Variants in MACROD2 observed in about 807,000 individuals in gnomAD.
MACROD2 encodes mono-ADP ribosylhydrolase 2, also known as ADP-ribose glycohydrolase MACROD2.
Under a neutral mutation model 70.4 loss-of-function variants are expected in MACROD2, and 36 were observed. The ratio of observed to expected loss-of-function variants is 0.51; its 90% CI spans 0.39 to 0.68. The LOEUF (loss-of-function observed/expected upper bound fraction) is 0.68, where lower values mean the gene tolerates loss of function less well. MACROD2 is among the 30% of genes least tolerant of loss of function. MACROD2 has a pLI of 0.00. For missense variants in MACROD2, 496 were observed against 538.4 expected, an observed-to-expected ratio of 0.92 and a Z score of 0.78; for synonymous variants, 172 against 178.8, an observed-to-expected ratio of 0.96 and a Z score of 0.30.
chr20:14,496,335 C>T (rs1487606364), intron 4 of MACROD2, among the ~76,000 whole-genome samples: 1 of 152,178 alleles, frequency 6.6e-6, no homozygotes, highest in African/African-American at 2.4e-5. Context: ...TTTAGATCCT[C>T]AGGAGGGCTT....
intron 4 of MACROD2, among the ~76,000 whole-genome samples, chr20:14,555,439 A>G (rs1276425074): frequency 6.6e-6 from 1 of 151,982 alleles, no homozygotes; most frequent in Non-Finnish European, 1.5e-5. Context: ...GGAGTCAAAT[A>G]TGTACTTATT....
intron 5 of MACROD2, chr20:14,757,936 C>T: frequency 9.4e-7 from 1 of 1,067,300 alleles, no homozygotes; most frequent in Non-Finnish European, 1.5e-6. Context: ...ACAGAGATAC[C>T]TACAGACGGA....
At chr20:15,924,229 G>A (rs1215508255) in intron 10 of MACROD2, among the ~76,000 whole-genome samples, 2 of 152,162 alleles carry the variant, frequency 1.3e-5, no homozygotes, top group African/African-American at 4.8e-5. Flanking sequence ...ATTGGTTTTT[G>A]CTTCCCATGA....
chr20:15,125,617 C>T (rs965116650), intron 5 of MACROD2, among the ~76,000 whole-genome samples: 1 of 152,030 alleles, frequency 6.6e-6, no homozygotes, highest in Admixed American at 6.6e-5. Flanking sequence ...ATCATTTTTA[C>T]CATACTTTCC....
At chr20:14,202,103 C>G (rs1004090430) in intron 3 of MACROD2, among the ~76,000 whole-genome samples, 9 of 152,036 alleles carry the variant, frequency 5.9e-5, no homozygotes, top group Non-Finnish European at 1.5e-5. Context: ...TTCTTTTCGT[C>G]ATTTTACTAC....
intron 3 of MACROD2, among the ~76,000 whole-genome samples, chr20:14,097,468 G>C (rs2054243644): frequency 6.6e-6 from 1 of 152,180 alleles, no homozygotes; most frequent in African/African-American, 2.4e-5. Context: ...AAAATGGAAA[G>C]TGAAGAAAGT....
At chr20:15,198,775 TC>T (rs2076629099) in intron 5 of MACROD2, among the ~76,000 whole-genome samples, 1 of 152,134 alleles carries the variant, frequency 6.6e-6, no homozygotes, top group South Asian at 2.1e-4. Flanking sequence ...CAAAGTTATT[TC>T]CATAGAAGAG....
chr20:15,549,725 G>A (rs989818508), intron 8 of MACROD2, among the ~76,000 whole-genome samples: 2 of 152,084 alleles, frequency 1.3e-5, no homozygotes, highest in African/African-American at 2.4e-5. Flanking sequence ...TCCTATAATC[G>A]AAGCAGCTTC....
At chr20:15,834,154 C>T (rs1454180282) in intron 8 of MACROD2, among the ~76,000 whole-genome samples, 1 of 152,080 alleles carries the variant, frequency 6.6e-6, no homozygotes, top group East Asian at 1.9e-4. Context: ...ATAAAGCATA[C>T]AGAATTACTC....
chr20:14,746,483 G>C (rs1012789414), intron 5 of MACROD2, among the ~76,000 whole-genome samples: 1 of 152,114 alleles, frequency 6.6e-6, no homozygotes, highest in African/African-American at 2.4e-5. Context: ...TACGTTTTGT[G>C]ATCATGATGT....
At chr20:14,323,834 CT>C (rs1312137042) in intron 3 of MACROD2, 1 of 152,148 alleles carries the variant, frequency 6.6e-6, no homozygotes, top group East Asian at 1.9e-4. Context: ...CAAAGACCAC[CT>C]TAAAAAGTAT....
At chr20:14,701,710 T>A (rs187204119) in intron 5 of MACROD2, among the ~76,000 whole-genome samples, 1 of 152,268 alleles carries the variant, frequency 6.6e-6, no homozygotes, top group African/African-American at 2.4e-5. Flanking sequence ...ATCATATCAG[T>A]GTATTAAAGA....
chr20:14,528,111 CTTT>C (rs5840621), intron 4 of MACROD2, among the ~76,000 whole-genome samples: 1 of 141,642 alleles, frequency 7.1e-6, no homozygotes. Flanking sequence ...ACTGTCTACA[CTTT>C]TTTTTTTTTT....
intron 2 of MACROD2, among the ~76,000 whole-genome samples, chr20:14,083,038 A>T (rs1314900522): frequency 6.6e-6 from 1 of 151,992 alleles, no homozygotes; most frequent in African/African-American, 2.4e-5. Flanking sequence ...TTTTATTTAA[A>T]ATAAAATATT....
chr20:16,044,653 TGTG>T lies in MACROD2; in HGVS notation c.1300+18_1300+20del. 1 of 1,605,348 alleles carries T rather than the reference TGTG, an allele frequency of 6.2e-7. No individual in the cohort carries two copies. Among genetic ancestry groups the T allele is most frequent in the Non-Finnish European group, 8.5e-7 (1 of 1,172,774 alleles). ...ATCAACTAATAGGTAAGATGCCCCTTGTGGTGAGATTTTCAATGATCAACCAGC... is the reference window on the plus strand; with the variant it reads ...ATCAACTAATAGGTAAGATGCCCCTTGTGAGATTTTCAATGATCAACCAGC... On this transcript the variant is annotated intron_variant, in intron 17 of 17. Transcript: ENST00000684519.
intron 6 of MACROD2, among the ~76,000 whole-genome samples, chr20:15,264,048 G>A (rs1181567587): frequency 6.6e-6 from 1 of 152,020 alleles, no homozygotes; most frequent in Non-Finnish European, 1.5e-5. Flanking sequence ...AGACTTATAA[G>A]CAATTGATAC....
chr20:14,195,423 G>C (rs762269514), intron 3 of MACROD2, among the ~76,000 whole-genome samples: 1 of 152,124 alleles, frequency 6.6e-6, no homozygotes, highest in African/African-American at 2.4e-5. Flanking sequence ...TCAATGATAC[G>C]GAAGGGGAGA....
At chr20:14,864,009 G>T (rs1220236632) in intron 5 of MACROD2, among the ~76,000 whole-genome samples, 1 of 151,970 alleles carries the variant, frequency 6.6e-6, no homozygotes, top group East Asian at 1.9e-4. Flanking sequence ...GAGAAGTGGG[G>T]CCATACTACA....
intron 8 of MACROD2, among the ~76,000 whole-genome samples, chr20:15,529,541 G>T (rs1008748415): frequency 1.3e-5 from 2 of 151,914 alleles, no homozygotes; most frequent in Non-Finnish European, 2.9e-5. Flanking sequence ...GGAGGATAGA[G>T]GCTTCTTTTA....
Sources: allele counts gnomAD v4.1 joint callset (sites outside exome capture counted in the v4.1 genomes callset), GRCh38; gene constraint gnomAD v4.1.1; transcripts MANE v1.5; gene names NCBI Gene and HGNC (gene_info 2026-07-23, HGNC 2026-07-21).